The following RICTOR variants were observed in gnomAD, a reference collection of about 807,000 sequenced individuals.
RICTOR encodes rapamycin-insensitive companion of mTOR.
A neutral mutation model predicts 214.9 loss-of-function variants in RICTOR; 49 were observed. The observed-to-expected ratio is 0.23, with a 90% CI of 0.18 to 0.29. The LOEUF (loss-of-function observed/expected upper bound fraction) is 0.29. RICTOR is among the 10% of genes least tolerant of loss of function. RICTOR has a pLI of 1.00. For synonymous variants in RICTOR, 717 were observed against 711.3 expected, an observed-to-expected ratio of 1.01 and a Z score of -0.13; for missense variants, 1,625 against 2,047.0, an observed-to-expected ratio of 0.79 and a Z score of 3.98.
intron 5 of RICTOR, among the ~76,000 whole-genome samples, chr5:38,999,041 A>C (rs1174062715): frequency 2.7e-5 from 4 of 149,138 alleles, no homozygotes; most frequent in East Asian, 1.9e-4. Flanking sequence ...AAAAAAAAAA[A>C]AAAAAAAAAA....
At chr5:39,047,433 G>A (rs935644425) in intron 2 of RICTOR, among the ~76,000 whole-genome samples, 6 of 152,112 alleles carry the variant, frequency 3.9e-5, no homozygotes, top group Admixed American at 2.6e-4. Flanking sequence ...ATGCTTGCCC[G>A]CTGCTCACCT....
At chr5:38,944,295 T>C in intron 36 of RICTOR, 151 bp downstream of exon 36, 1 of 768,524 alleles carries the variant, frequency 1.3e-6, no homozygotes, top group South Asian at 1.4e-5. Context: ...GGCTGAAGTA[T>C]TAAAGAAAAT....
At chr5:38,956,216 T>G (rs1749252044) in intron 25 of RICTOR, among the ~76,000 whole-genome samples, 1 of 152,092 alleles carries the variant, frequency 6.6e-6, no homozygotes, top group Non-Finnish European at 1.5e-5. Context: ...TCTAAACTTG[T>G]GTCAATATTT....
intron 2 of RICTOR, among the ~76,000 whole-genome samples, chr5:39,067,215 C>A (rs1274906852): frequency 6.6e-6 from 1 of 152,132 alleles, no homozygotes; most frequent in Non-Finnish European, 1.5e-5. Flanking sequence ...TCTCGGGAGG[C>A]CTCAGGGTGT....
At chr5:39,029,318 C>T (rs762888152) in intron 2 of RICTOR, among the ~76,000 whole-genome samples, 48 of 151,956 alleles carry the variant, frequency 3.2e-4, no homozygotes, top group Non-Finnish European at 5.9e-4. Context: ...AATACATACA[C>T]CACCAAGAGA....
intron 3 of RICTOR, among the ~76,000 whole-genome samples, chr5:39,009,618 CA>C (rs1754337365): frequency 1.3e-5 from 2 of 151,956 alleles, no homozygotes; most frequent in South Asian, 4.1e-4. Context: ...ACCATTTAAC[CA>C]TTCAATAATG....
chr5:38,969,096 G>C (rs1355030625), intron 11 of RICTOR, among the ~76,000 whole-genome samples: 1 of 150,638 alleles, frequency 6.6e-6, no homozygotes, highest in Non-Finnish European at 1.5e-5. Context: ...CCAGCCTCCT[G>C]AGTAGCTGGG....
chr5:39,025,007 T>TACA (rs541204797), intron 2 of RICTOR, among the ~76,000 whole-genome samples: 1 of 152,134 alleles, frequency 6.6e-6, no homozygotes, highest in Non-Finnish European at 1.5e-5. Context: ...GAAAACTGAT[T>TACA]ACAACAACAA....
At chr5:39,055,425 C>T (rs1387613190) in intron 2 of RICTOR, among the ~76,000 whole-genome samples, 3 of 129,156 alleles carry the variant, frequency 2.3e-5, no homozygotes, top group East Asian at 2.6e-4. Flanking sequence ...ATTCCCCCCC[C>T]CCACTCTTTT....
chr5:38,960,570 T>C, intron 19 of RICTOR, 37 bp from the exon 20 acceptor site: 2 of 1,598,588 alleles, frequency 1.3e-6, no homozygotes, highest in Non-Finnish European at 1.7e-6. Flanking sequence ...AGGTAAGAAA[T>C]GAAGCAATTA....
intron 2 of RICTOR, among the ~76,000 whole-genome samples, chr5:39,040,091 G>A (rs900893853): frequency 2.0e-5 from 3 of 152,012 alleles, no homozygotes; most frequent in African/African-American, 7.3e-5. Flanking sequence ...TAATAGACTG[G>A]ATTAAGAAAA....
chr5:38,942,801 A>C (rs1313832808), intron 37 of RICTOR, 32 bp downstream of exon 37: 2 of 1,494,346 alleles, frequency 1.3e-6, no homozygotes, highest in East Asian at 2.3e-5. Context: ...TATTCTTGGA[A>C]GATAAATTTG....
chr5:39,034,816 A>T (rs187547740), intron 2 of RICTOR, among the ~76,000 whole-genome samples: 1 of 152,206 alleles, frequency 6.6e-6, no homozygotes, highest in South Asian at 2.1e-4. Context: ...AAAGCAGCCC[A>T]GAAGCTCGAA....
chr5:38,943,066 C>T (rs1024817641), intron 36 of RICTOR, 95 bp from the exon 37 acceptor site: 2 of 840,534 alleles, frequency 2.4e-6, no homozygotes, highest in Non-Finnish European at 3.8e-6. Context: ...GATTTCCCTA[C>T]AGATATGGAT....
intron 7 of RICTOR, among the ~76,000 whole-genome samples, chr5:38,983,759 C>T (rs574381905): frequency 2.6e-5 from 4 of 151,956 alleles, no homozygotes; most frequent in Non-Finnish European, 5.9e-5. Flanking sequence ...GTCAAGAGAT[C>T]GAGACATCCT....
At chr5:38,967,907 A>G in intron 12 of RICTOR, 36 bp downstream of exon 12, 1 of 1,045,784 alleles carries the variant, frequency 9.6e-7, no homozygotes, top group Non-Finnish European at 1.5e-6. Context: ...AAAAATTACA[A>G]TATATGAAAA....
intron 5 of RICTOR, 110 bp from the exon 6 acceptor site, chr5:38,996,992 T>C: frequency 1.3e-6 from 1 of 741,248 alleles, no homozygotes; most frequent in Non-Finnish European, 2.4e-6. Context: ...TGGTATATTA[T>C]TGTTTTGGTA....
intron 2 of RICTOR, among the ~76,000 whole-genome samples, chr5:39,038,685 C>G (rs558314843): frequency 4.0e-5 from 6 of 151,644 alleles, no homozygotes; most frequent in East Asian, 3.9e-4. Flanking sequence ...AACAGACAGA[C>G]AGCCAAATCA....
rs1182690256 is a variant in RICTOR at position 38,944,210 on chromosome 5, A to T, written c.4913+236T>A. On this transcript the variant is annotated intron_variant, in intron 36 of 37. Coordinates refer to ENST00000357387, the MANE Select transcript of RICTOR (RefSeq NM_152756.5). Reference sequence around the variant, plus strand: ...TTTACATTTTTTGCAGATCTCTTCAAAAGTCTGGCTTAATAGAAGATAGCT... The same window carrying T: ...TTTACATTTTTTGCAGATCTCTTCATAAGTCTGGCTTAATAGAAGATAGCT... The T allele has an allele frequency of 1.5e-5, 9 of 594,310 alleles. No individual in the cohort carries two copies. In the East Asian group the frequency reaches 3.3e-4, roughly 22 times the overall value. 36.8% of individuals were successfully genotyped at this position (594,310 alleles called of 1,614,324 possible). A position where few individuals can be genotyped will look rare whatever the true frequency, so the allele number is the denominator to read the frequency against.
Sources: gnomAD v4.1 joint callset for allele counts (sites outside exome capture counted in the v4.1 genomes callset) on GRCh38, gnomAD v4.1.1 for gene constraint, MANE v1.5 for transcripts, NCBI Gene and HGNC (gene_info 2026-07-23, HGNC 2026-07-21) for gene names.